PPP1R12B: variants seen among roughly 807,000 people sequenced by gnomAD.
The protein encoded by PPP1R12B is myosin phosphatase target subunit 2.
PPP1R12B carries 76 observed loss-of-function variants against 126.1 expected under a neutral mutation model. The observed-to-expected ratio is 0.60, with a 90% CI of 0.50 to 0.73. The LOEUF (loss-of-function observed/expected upper bound fraction) is 0.73, where lower values mean the gene tolerates loss of function less well. PPP1R12B is among the 30% of genes least tolerant of loss of function. The pLI is 0.00. For missense variants in PPP1R12B, 1,052 were observed against 1,205.1 expected (o/e 0.87, Z 1.88); for synonymous variants, 356 against 434.7 (o/e 0.82, Z 2.25).
At chr1:202,377,556 G>A (rs1359280418) in intron 1 of PPP1R12B, among the ~76,000 whole-genome samples, 3 of 151,142 alleles carry the variant, frequency 2.0e-5, no homozygotes, top group Admixed American at 1.3e-4. Flanking sequence ...CGCCCGCCTC[G>A]GCCTCCCAAA....
intron 1 of PPP1R12B, among the ~76,000 whole-genome samples, chr1:202,383,896 A>G (rs969080183): frequency 6.6e-6 from 1 of 152,146 alleles, no homozygotes; most frequent in African/African-American, 2.4e-5. Flanking sequence ...TTCTTTTCTT[A>G]CTGATGGACA....
intron 14 of PPP1R12B, 80 bp downstream of exon 14, chr1:202,488,703 C>A: frequency 1.7e-6 from 2 of 1,196,710 alleles, no homozygotes; most frequent in Non-Finnish European, 2.4e-6. Context: ...ACTGCAATAT[C>A]CATGTTCAAC....
At chr1:202,437,760 A>G (rs1671025759) in intron 9 of PPP1R12B, 61 bp from the exon 10 acceptor site, 2 of 1,458,296 alleles carry the variant, frequency 1.4e-6, no homozygotes, top group Non-Finnish European at 1.9e-6. Context: ...AAAGGCAAAT[A>G]GGCTGAGAAA....
intron 23 of PPP1R12B, chr1:202,574,865 C>T: frequency 1.2e-6 from 1 of 851,098 alleles, no homozygotes; most frequent in South Asian, 2.1e-5. Context: ...CTGCCTTTCT[C>T]ATTTCCTTTC....
intron 18 of PPP1R12B, among the ~76,000 whole-genome samples, chr1:202,522,723 A>G (rs1682904821): frequency 6.6e-6 from 1 of 152,148 alleles, no homozygotes; most frequent in Non-Finnish European, 1.5e-5. Flanking sequence ...AGACAGGAAA[A>G]ATTTTCTCTT....
intron 1 of PPP1R12B, among the ~76,000 whole-genome samples, chr1:202,405,630 A>G (rs909184051): frequency 1.3e-5 from 2 of 152,172 alleles, no homozygotes; most frequent in Admixed American, 6.5e-5. Flanking sequence ...TATGATTGGT[A>G]TGATAATTTA....
chr1:202,554,505 T>C (rs1189178391), intron 18 of PPP1R12B, among the ~76,000 whole-genome samples: 3 of 152,082 alleles, frequency 2.0e-5, no homozygotes, highest in African/African-American at 7.2e-5. Context: ...TCCCAGGACA[T>C]TGCTAAGGTT....
At chr1:202,439,952 A>C (rs1306682043) in intron 10 of PPP1R12B, 94 of 165,504 alleles carry the variant, frequency 5.7e-4, no homozygotes, top group African/African-American at 2.1e-3. Context: ...GCAAAAAAAA[A>C]AAAAAATTCA....
chr1:202,391,637 T>G (rs558482957), intron 1 of PPP1R12B, among the ~76,000 whole-genome samples: 6 of 125,046 alleles, frequency 4.8e-5, no homozygotes, highest in Non-Finnish European at 8.5e-5. Context: ...GTACTGAAGA[T>G]AAATGAATTA....
At chr1:202,463,801 C>A (rs1207716225) in intron 13 of PPP1R12B, among the ~76,000 whole-genome samples, 2 of 152,074 alleles carry the variant, frequency 1.3e-5, no homozygotes, top group Non-Finnish European at 2.9e-5. Flanking sequence ...TCCTGCTGAT[C>A]GTTAGTCATT....
chr1:202,489,535 G>A (rs1034584050), intron 14 of PPP1R12B, among the ~76,000 whole-genome samples: 5 of 152,084 alleles, frequency 3.3e-5, no homozygotes, highest in African/African-American at 1.2e-4. Flanking sequence ...AAGAAATGAA[G>A]TACTGATACA....
intron 2 of PPP1R12B, among the ~76,000 whole-genome samples, chr1:202,418,040 C>CCCAAAG (rs1281293596): frequency 6.6e-6 from 1 of 152,122 alleles, no homozygotes; most frequent in African/African-American, 2.4e-5. Context: ...CTGGGTTGGC[C>CCCAAAG]CCAAAGCCAA....
chr1:202,434,814 C>T (rs748596512), intron 9 of PPP1R12B, 46 bp downstream of exon 9: 6 of 1,603,990 alleles, frequency 3.7e-6, no homozygotes, highest in South Asian at 3.4e-5. Flanking sequence ...CACCCTACTG[C>T]AGTAGCACAC....
intron 10 of PPP1R12B, chr1:202,439,259 C>T (rs1671279663): frequency 2.2e-6 from 3 of 1,391,196 alleles, no homozygotes; most frequent in East Asian, 4.6e-5. Flanking sequence ...AGGCTGTCCT[C>T]CACAGAGGCA....
intron 1 of PPP1R12B, among the ~76,000 whole-genome samples, chr1:202,353,506 C>T (rs1455100802): frequency 1.3e-5 from 2 of 148,740 alleles, no homozygotes; most frequent in Admixed American, 1.3e-4. Flanking sequence ...AGCTTTTTGT[C>T]TGTGTGGTTT....
At chr1:202,393,614 T>G (rs1344052409) in intron 1 of PPP1R12B, among the ~76,000 whole-genome samples, 1 of 152,216 alleles carries the variant, frequency 6.6e-6, no homozygotes, top group Non-Finnish European at 1.5e-5. Flanking sequence ...ATTTCTTTCC[T>G]TATTCTAGCA....
At chr1:202,417,017 C>T (rs2148618799) in intron 2 of PPP1R12B, 100 bp downstream of exon 2, 1 of 1,338,760 alleles carries the variant, frequency 7.5e-7, no homozygotes, top group East Asian at 2.6e-5. Flanking sequence ...TAGTTATAAT[C>T]TCTCTTTATT....
chr1:202,440,866 T>G, intron 11 of PPP1R12B, 78 bp downstream of exon 11: 2 of 1,211,456 alleles, frequency 1.7e-6, no homozygotes, highest in Non-Finnish European at 2.4e-6. Context: ...GGCATTACTC[T>G]TCTGCATTTT....
intron 12 of PPP1R12B, among the ~76,000 whole-genome samples, chr1:202,442,845 A>T (rs1161171393): frequency 6.6e-6 from 1 of 152,050 alleles, no homozygotes; most frequent in African/African-American, 2.4e-5. Context: ...AGTGGCTTTC[A>T]GTAATCTCTG....
Sources: gnomAD v4.1 joint callset for allele counts (sites outside exome capture counted in the v4.1 genomes callset) on GRCh38, gnomAD v4.1.1 for gene constraint, MANE v1.5 for transcripts, NCBI Gene and HGNC (gene_info 2026-07-23, HGNC 2026-07-21) for gene names.